FBLN2: variants seen among roughly 807,000 people sequenced by gnomAD.
FBLN2 encodes the protein fibulin-2.
A neutral mutation model predicts 123.7 loss-of-function variants in FBLN2; 81 were observed. The observed-to-expected ratio is 0.65, with a 90% confidence interval of 0.55 to 0.79. FBLN2 has a LOEUF of 0.79. Ranked by LOEUF, FBLN2 falls within the 30% of genes least tolerant of loss-of-function variation. The pLI is 0.00. For synonymous variants in FBLN2, 699 were observed against 701.4 expected (o/e 1.00, Z 0.05); for missense variants, 1,603 against 1,681.3 (o/e 0.95, Z 0.81).
chr3:13,635,075 A>G (rs542578894), intron 16 of FBLN2, among the ~76,000 whole-genome samples: 2 of 152,290 alleles, frequency 1.3e-5, no homozygotes, highest in South Asian at 4.1e-4. Flanking sequence ...GATCTTGAGC[A>G]AGGCTTTGCC....
chr3:13,616,826 TG>T (rs952823068), intron 5 of FBLN2, among the ~76,000 whole-genome samples: 15 of 152,294 alleles, frequency 9.8e-5, no homozygotes, highest in African/African-American at 3.4e-4. Flanking sequence ...CCCTGGGAGA[TG>T]GGTTTATTCC....
intron 2 of FBLN2, among the ~76,000 whole-genome samples, chr3:13,581,790 A>G (rs1156456729): frequency 6.6e-6 from 1 of 152,090 alleles, no homozygotes; most frequent in Admixed American, 6.5e-5. Context: ...TAGTGACCCT[A>G]CAGCAAAGGG....
At chr3:13,631,778 A>C (rs1390791292) in intron 16 of FBLN2, among the ~76,000 whole-genome samples, 2 of 152,206 alleles carry the variant, frequency 1.3e-5, no homozygotes, top group Non-Finnish European at 2.9e-5. Flanking sequence ...GAGACGGCAG[A>C]AGAGCCGCAG....
rs958035781 is a variant in FBLN2 at position 13,549,171 on chromosome 3, G to GCGGACGGA, written c.-68_-61dup. On this transcript the variant is annotated 5_prime_UTR_variant, in exon 1 of 18. Transcript: ENST00000404922. ...GGGCTCTCGACGCGCCGACGGCCGG[G>GCGGACGGA]CGGACGGACGGACGGACGCCGAGCG... 4.1e-4 allele frequency: 406 copies of GCGGACGGA among 983,092 alleles called. No homozygotes were observed. The highest frequency in any genetic ancestry group is 4.8e-4 in the Non-Finnish European group (396 of 829,032). 60.9% of individuals were successfully genotyped at this position (983,092 alleles called of 1,614,324 possible). A position where few individuals can be genotyped will look rare whatever the true frequency, so the allele number is the denominator to read the frequency against.
intron 2 of FBLN2, among the ~76,000 whole-genome samples, chr3:13,584,434 C>T (rs1296416176): frequency 1.3e-5 from 2 of 152,176 alleles, no homozygotes. Context: ...CCAGCTGAGT[C>T]AGAGCTGGTG....
chr3:13,622,239 G>T (rs868441002), intron 9 of FBLN2, among the ~76,000 whole-genome samples: 1 of 152,184 alleles, frequency 6.6e-6, no homozygotes, highest in Non-Finnish European at 1.5e-5. Flanking sequence ...TAGGATGTGT[G>T]GGGTCTGGAG....
chr3:13,556,638 G>A (rs1008122806), intron 1 of FBLN2, among the ~76,000 whole-genome samples: 8 of 152,342 alleles, frequency 5.3e-5, no homozygotes, highest in African/African-American at 1.9e-4. Context: ...GGGTGTGGTG[G>A]GGAGGCCATG....
At chr3:13,583,014 C>T (rs996969805) in intron 2 of FBLN2, among the ~76,000 whole-genome samples, 3 of 152,272 alleles carry the variant, frequency 2.0e-5, no homozygotes, top group African/African-American at 7.2e-5. Flanking sequence ...TGTGCAGCAG[C>T]GTGTTCCTCA....
chr3:13,624,795 T>C lies in FBLN2; in HGVS notation c.2297-1650T>C, dbSNP rs554056465. Reference sequence around the variant, plus strand: ...TGGTCACAGGAGCCTAGCACAGAGTTATGTGTGTGGAATGGATGGATAAGC... The same window carrying C: ...TGGTCACAGGAGCCTAGCACAGAGTCATGTGTGTGGAATGGATGGATAAGC... On this transcript the variant is annotated intron_variant, in intron 9 of 17. Coordinates refer to ENST00000404922, the MANE Select transcript of FBLN2 (RefSeq NM_001004019.2). Among the ~76,000 whole-genome samples the C allele has an allele frequency of 1.1e-3, 170 of 152,350 alleles. 4 individuals carry two copies. The South Asian group carries it at 0.033, about 30-fold the overall frequency.
chr3:13,614,296 G>A, intron 5 of FBLN2, 132 bp downstream of exon 5: 1 of 894,716 alleles, frequency 1.1e-6, no homozygotes, highest in Non-Finnish European at 1.6e-6. Flanking sequence ...GAGTTCTGAG[G>A]ATGGTGATTT....
At chr3:13,584,767 A>G (rs1207385655) in intron 2 of FBLN2, among the ~76,000 whole-genome samples, 1 of 152,158 alleles carries the variant, frequency 6.6e-6, no homozygotes, top group African/African-American at 2.4e-5. Context: ...GGAATCAGGG[A>G]CTGTCCGCAA....
chr3:13,619,729 G>T lies in FBLN2; in HGVS notation c.2054-1G>T. ...TCTGATTTCTGTGTGGTTTCCTCCA[G>T]ACAATGGACCCTGCAAGCAGGTGTG... On this transcript the variant is annotated splice_acceptor_variant, in intron 7 of 17. Transcript: ENST00000404922. LOFTEE classifies it high-confidence loss of function. 1 of 1,613,098 alleles carries T rather than the reference G, an allele frequency of 6.2e-7. No homozygotes were observed. The highest frequency in any genetic ancestry group is 1.1e-5 in the South Asian group (1 of 90,910).
At position 13,627,959 on chromosome 3, in the gene FBLN2, C is replaced by CA; in HGVS notation, c.2561dup (p.Asn854LysfsTer46). On this transcript the variant is annotated frameshift_variant, in exon 11 of 18. Transcript: ENST00000404922. LOFTEE classifies it high-confidence loss of function. ...ATGGCTTCCTGCAGGATCCTGAAGG[C>CA]AACTGTGTGGGTGAGCGGGGGCTGC... 1 of 1,613,384 alleles carries CA rather than the reference C, an allele frequency of 6.2e-7. No homozygotes were observed. The highest frequency in any genetic ancestry group is 8.5e-7 in the Non-Finnish European group (1 of 1,179,592).
At chr3:13,571,954 C>A (rs192131515) in intron 2 of FBLN2, among the ~76,000 whole-genome samples, 3 of 152,284 alleles carry the variant, frequency 2.0e-5, no homozygotes, top group African/African-American at 7.2e-5. Flanking sequence ...TGCACATCTT[C>A]AGAGCTGGGG....
At chr3:13,565,434 T>C (rs1703716616) in intron 1 of FBLN2, among the ~76,000 whole-genome samples, 1 of 152,198 alleles carries the variant, frequency 6.6e-6, no homozygotes, top group African/African-American at 2.4e-5. Flanking sequence ...TCCATTGTCA[T>C]TTTGGCTCTT....
intron 2 of FBLN2, among the ~76,000 whole-genome samples, chr3:13,588,701 A>T (rs1221305150): frequency 1.3e-5 from 2 of 152,250 alleles, no homozygotes; most frequent in Admixed American, 1.3e-4. Context: ...TTCTAAGAGA[A>T]AAAAAGATCC....
rs1245978381 is a variant in FBLN2, at chr3:13,618,288, A to G, written c.1939+3A>G. 3 of 1,613,678 alleles carry G rather than the reference A, an allele frequency of 1.9e-6. No homozygotes were observed. Among genetic ancestry groups the G allele is most frequent in the South Asian group, 1.1e-5 (1 of 91,092 alleles). On this transcript the variant is annotated splice_donor_region_variant and intron_variant, in intron 6 of 17. Transcript: ENST00000404922. ...CGATGGCCGCACTTGCCGCCCAGGTAAGGGCCCTGATGGCCAGGGCAGGGG... is the reference window on the plus strand; with the variant it reads ...CGATGGCCGCACTTGCCGCCCAGGTGAGGGCCCTGATGGCCAGGGCAGGGG...
chr3:13,570,399 GCCTGGC>G lies in FBLN2; in HGVS notation c.56_61del (p.Ala19_Leu20del). ...CCTGCAGGAGCCTGGCTTGCTCTGGGCCTGGCCCTGGCCCTGGGCCCCAGCGTGGCC... is the reference window on the plus strand; with the variant it reads ...CCTGCAGGAGCCTGGCTTGCTCTGGGCCTGGCCCTGGGCCCCAGCGTGGCC... On this transcript the variant is annotated inframe_deletion, in exon 2 of 18. Coordinates refer to ENST00000404922, the MANE Select transcript of FBLN2 (RefSeq NM_001004019.2). The G allele has an allele frequency of 6.3e-7, 1 of 1,579,962 alleles. No individual in the cohort carries two copies.
intron 1 of FBLN2, among the ~76,000 whole-genome samples, chr3:13,565,851 C>T (rs539925883): frequency 6.6e-6 from 1 of 152,338 alleles, no homozygotes; most frequent in South Asian, 2.1e-4. Context: ...AGCACAGGGT[C>T]ATGGAGTGCA....
Sources: allele counts gnomAD v4.1 joint callset (sites outside exome capture counted in the v4.1 genomes callset), GRCh38; gene constraint gnomAD v4.1.1; transcripts MANE v1.5; gene names NCBI Gene and HGNC (gene_info 2026-07-23, HGNC 2026-07-21).